Variants in PTK2 observed in about 807,000 individuals in gnomAD.
PTK2 encodes the protein protein tyrosine kinase 2.
A neutral mutation model predicts 150.1 loss-of-function variants in PTK2; 45 were observed. The observed-to-expected ratio is 0.30, with a 90% CI of 0.24 to 0.38. PTK2 has a LOEUF of 0.38. Ranked by LOEUF, PTK2 falls within the 10% of genes least tolerant of loss-of-function variation. The pLI, the probability that PTK2 is intolerant of heterozygous loss-of-function variation, is 1.00. For missense variants in PTK2, 919 were observed against 1,307.3 expected, an observed-to-expected ratio of 0.70 and a Z score of 4.58; for synonymous variants, 432 against 449.2, an observed-to-expected ratio of 0.96 and a Z score of 0.48.
chr8:141,001,799 C>G (rs1330572564), upstream of PTK2, among the ~76,000 whole-genome samples: 1 of 152,244 alleles, frequency 6.6e-6, no homozygotes, highest in East Asian at 1.9e-4. Context: ...CACACCGACC[C>G]TAACGAGCGG....
chr8:140,822,660 C>T (rs1258582330), intron 8 of PTK2, among the ~76,000 whole-genome samples: 4 of 152,188 alleles, frequency 2.6e-5, no homozygotes, highest in Admixed American at 6.5e-5. Context: ...ACCACCACAT[C>T]CCTATGGGTC....
At chr8:140,998,522 A>C (rs1318560472) in intron 1 of PTK2, among the ~76,000 whole-genome samples, 1 of 152,102 alleles carries the variant, frequency 6.6e-6, no homozygotes, top group Non-Finnish European at 1.5e-5. Context: ...TACCTTTAAA[A>C]CAACAGGATC....
At chr8:140,800,806 G>A (rs1363395048) in intron 11 of PTK2, among the ~76,000 whole-genome samples, 1 of 152,056 alleles carries the variant, frequency 6.6e-6, no homozygotes, top group African/African-American at 2.4e-5. Context: ...CTTAAACTGG[G>A]GCTCACTTTC....
intron 30 of PTK2, among the ~76,000 whole-genome samples, chr8:140,667,442 CTCTT>C (rs938365687): frequency 8.9e-6 from 1 of 112,262 alleles, no homozygotes; most frequent in Admixed American, 1.1e-4. Flanking sequence ...ACCTAGTGTC[CTCTT>C]TCTTTCTCTC....
chr8:140,894,772 C>A (rs78846674), intron 2 of PTK2, among the ~76,000 whole-genome samples: 1,936 of 152,150 alleles, frequency 0.013, 11 homozygotes, highest in South Asian at 0.021. Context: ...GAGGTGTGAC[C>A]AAGATGGAAA....
At chr8:140,658,273 A>G (rs1275950177) in exon 32 of PTK2, 1 of 162,982 alleles carries the variant, frequency 6.1e-6, no homozygotes, top group Non-Finnish European at 1.3e-5. Context: ...AATAAAAAAA[A>G]AGAAACTAAT....
intron 1 of PTK2, among the ~76,000 whole-genome samples, chr8:140,981,567 C>T (rs1331300740): frequency 6.6e-6 from 1 of 152,210 alleles, no homozygotes; most frequent in Non-Finnish European, 1.5e-5. Context: ...AATGTGGCCC[C>T]ACTTGTTTTT....
chr8:140,817,781 G>A (rs2100105635), intron 10 of PTK2, among the ~76,000 whole-genome samples: 1 of 152,174 alleles, frequency 6.6e-6, no homozygotes, highest in Admixed American at 6.5e-5. Flanking sequence ...CTTCTGCTAG[G>A]AAGATAACAA....
intron 5 of PTK2, among the ~76,000 whole-genome samples, chr8:140,862,442 A>C (rs2100136768): frequency 6.6e-6 from 1 of 152,220 alleles, no homozygotes; most frequent in South Asian, 2.1e-4. Context: ...GTAGGCTTCC[A>C]ATAAGCTCAG....
intron 27 of PTK2, among the ~76,000 whole-genome samples, chr8:140,686,221 G>C (rs901300275): frequency 5.9e-5 from 9 of 152,140 alleles, no homozygotes. Flanking sequence ...GGGAACAACA[G>C]ACTCCGGGGC....
At chr8:140,824,643 G>A (rs544297332) in intron 8 of PTK2, among the ~76,000 whole-genome samples, 31 of 152,294 alleles carry the variant, frequency 2.0e-4, no homozygotes, top group African/African-American at 7.2e-4. Flanking sequence ...TCCAAAATCA[G>A]TTTTTACGAA....
intron 10 of PTK2, among the ~76,000 whole-genome samples, chr8:140,809,483 C>A (rs1334276373): frequency 1.3e-5 from 2 of 152,104 alleles, no homozygotes; most frequent in African/African-American, 4.8e-5. Context: ...ATTACCAAAG[C>A]CGACACAAGT....
At chr8:140,925,911 C>T (rs2100169256) in intron 1 of PTK2, among the ~76,000 whole-genome samples, 162 bp from the exon 2 acceptor site, 1 of 152,160 alleles carries the variant, frequency 6.6e-6, no homozygotes, top group Non-Finnish European at 1.5e-5. Flanking sequence ...ATAATTTTGA[C>T]ATGATGATAC....
At chr8:140,975,209 G>C (rs1181106061) in intron 1 of PTK2, among the ~76,000 whole-genome samples, 1 of 152,032 alleles carries the variant, frequency 6.6e-6, no homozygotes, top group Non-Finnish European at 1.5e-5. Flanking sequence ...ACAAAGGTTG[G>C]GTGACTTTTC....
At position 140,890,484 on chromosome 8, in the gene PTK2, T is replaced by C. The variant is rs186928903; in HGVS notation, c.195+59A>G. The C allele has an allele frequency of 8.7e-4, 1,197 of 1,376,384 alleles. 6 individuals carry two copies. The African/African-American group carries it at 0.016, about 18-fold the overall frequency. The allele number at this position is 1,376,384 out of a possible 1,614,324, so 85.3% of individuals were successfully genotyped here. ...TTATTACACTATCTTTTTTCATACA[T>C]GCCATTACATTTTAACCTAAATAAA... is the stretch of plus-strand genomic sequence containing the variant. On this transcript the variant is annotated intron_variant, in intron 3 of 31. Coordinates refer to ENST00000522684, the Ensembl canonical transcript of PTK2.
chr8:140,710,408 C>T (rs2100036147), intron 23 of PTK2, among the ~76,000 whole-genome samples: 1 of 150,602 alleles, frequency 6.6e-6, no homozygotes, highest in Admixed American at 6.6e-5. Flanking sequence ...ATGGGCCGGG[C>T]GTGATGGTTC....
chr8:140,981,331 G>A (rs899773639), intron 1 of PTK2, among the ~76,000 whole-genome samples: 3 of 152,096 alleles, frequency 2.0e-5, no homozygotes, highest in African/African-American at 7.2e-5. Flanking sequence ...ATGTCTTCAG[G>A]AGAGGTGACT....
chr8:140,741,759 TCA>T (rs1443013029), intron 20 of PTK2, among the ~76,000 whole-genome samples: 4 of 152,198 alleles, frequency 2.6e-5, no homozygotes, highest in Non-Finnish European at 5.9e-5. Context: ...AAATATTAGT[TCA>T]GTAACAATTT....
chr8:140,818,395 G>A lies in PTK2; in HGVS notation c.790-41C>T, dbSNP rs189442019. The A allele has an allele frequency of 1.9e-4, 293 of 1,532,004 alleles. No homozygotes were observed. In the East Asian group the frequency reaches 5.6e-3, roughly 30 times the overall value. 94.9% of individuals were successfully genotyped at this position (1,532,004 alleles called of 1,614,324 possible). On this transcript the variant is annotated intron_variant, in intron 9 of 31. Coordinates refer to ENST00000522684, the Ensembl canonical transcript of PTK2. ...CAAGTGAGAACAGAGGTGGCAGAAGGAAAAAAGAAATACTTTAGATAAAGA... is the reference window on the plus strand; with the variant it reads ...CAAGTGAGAACAGAGGTGGCAGAAGAAAAAAAGAAATACTTTAGATAAAGA...
Sources: gnomAD v4.1 joint callset for allele counts (sites outside exome capture counted in the v4.1 genomes callset) on GRCh38, gnomAD v4.1.1 for gene constraint, MANE v1.5 for transcripts, NCBI Gene and HGNC (gene_info 2026-07-23, HGNC 2026-07-21) for gene names.